Variants in GRK3 observed in about 807,000 individuals in gnomAD.
GRK3 encodes the protein G protein-coupled receptor kinase 3.
GRK3 carries 54 observed loss-of-function variants against 95.7 expected under a neutral mutation model. The observed-to-expected ratio is 0.56, with a 90% CI of 0.45 to 0.71. The LOEUF (loss-of-function observed/expected upper bound fraction) is 0.71. Ranked by LOEUF, GRK3 falls within the 30% of genes least tolerant of loss-of-function variation. GRK3 has a pLI of 0.00. For synonymous variants in GRK3, 281 were observed against 290.8 expected (o/e 0.97, Z 0.34); for missense variants, 649 against 851.2 (o/e 0.76, Z 2.96).
chr22:25,688,037 C>A (rs1487173565), intron 11 of GRK3, among the ~76,000 whole-genome samples: 3 of 152,080 alleles, frequency 2.0e-5, no homozygotes, highest in South Asian at 2.1e-4. Flanking sequence ...GAGATCAAGG[C>A]CATCCTGGCT....
chr22:25,608,293 C>G (rs1460866019), intron 2 of GRK3, among the ~76,000 whole-genome samples: 1 of 152,142 alleles, frequency 6.6e-6, no homozygotes, highest in Non-Finnish European at 1.5e-5. Context: ...TACAAGATTC[C>G]TTCTGCATTG....
rs762701145 is a variant in GRK3 at position 25,565,112 on chromosome 22, G to A, written c.72G>A (p.Pro24=). 6.5e-7 allele frequency: 1 copy of A among 1,548,420 alleles called. No individual in the cohort carries two copies. Among genetic ancestry groups the A allele is most frequent in the South Asian group, 1.2e-5 (1 of 84,030 alleles). ...CCATGGAGAAGAGCAAGGCGACCCC[G>A]GCCGCCCGCGCCAGCAAGAGGATCG... is the stretch of plus-strand genomic sequence containing the variant. ...LMAMEKSKAT[P]AARASKRIVL... Residue 24 remains proline (P), a synonymous_variant, in exon 1 of 21, where the codon CCG becomes CCA. Transcript: ENST00000324198.
intron 15 of GRK3, among the ~76,000 whole-genome samples, chr22:25,705,941 G>T (rs1050331548): frequency 5.3e-5 from 8 of 152,200 alleles, no homozygotes; most frequent in African/African-American, 1.9e-4. Flanking sequence ...CGCGATGGCA[G>T]ACAGGTAGCA....
rs113355685 is a variant in GRK3 at position 25,583,357 on chromosome 22, CT to C, written c.113+18221del. Among the ~76,000 whole-genome samples the C allele has an allele frequency of 3.3e-3, 449 of 135,510 alleles. 5 individuals are homozygous for C. In the South Asian group the frequency reaches 0.035, roughly 11 times the overall value. The allele number at this position is 135,510 out of a possible 152,430, so 88.9% of individuals were successfully genotyped here. ...TTGTGGCCTGGCGTTTTTCTGTGTA[CT>C]TTTTTTTTTTTTTTTTCTTAGTTAC... On this transcript the variant is annotated intron_variant, in intron 1 of 20. Coordinates refer to ENST00000324198, the MANE Select transcript of GRK3 (RefSeq NM_005160.4).
chr22:25,639,879 A>G lies in GRK3; in HGVS notation c.191-4713A>G, dbSNP rs2084730332. ...ATAGTTTTTAGCATACTGTTCTTGT[A>G]TGTCATTTATTTGTTTATTCCTATG... On this transcript the variant is annotated intron_variant, in intron 2 of 20. Transcript: ENST00000324198. Among the ~76,000 whole-genome samples, 5 of 152,080 alleles carry G rather than the reference A, an allele frequency of 3.3e-5. No homozygotes were observed. The South Asian group carries it at 1.0e-3, about 31-fold the overall frequency.
intron 3 of GRK3, chr22:25,648,987 C>T: frequency 9.4e-7 from 1 of 1,062,552 alleles, no homozygotes; most frequent in African/African-American, 1.6e-5. Context: ...TGGAATTCTA[C>T]AGACAGAACT....
intron 12 of GRK3, among the ~76,000 whole-genome samples, chr22:25,694,688 C>T (rs937813169): frequency 1.3e-5 from 2 of 152,138 alleles, no homozygotes; most frequent in African/African-American, 2.4e-5. Flanking sequence ...CAGGGGTGGA[C>T]GTCTCCATGC....
chr22:25,564,885 TGGGGCGCGCGGCGCGCGCGC>T lies in GRK3; in HGVS notation c.-149_-130del, dbSNP rs1269494104. 4 of 128,216 alleles carry T rather than the reference TGGGGCGCGCGGCGCGCGCGC, an allele frequency of 3.1e-5. No individual in the cohort carries two copies. The highest frequency in any genetic ancestry group is 6.7e-5 in the Non-Finnish European group (4 of 59,894). The allele number at this position is 128,216 out of a possible 1,614,324, so 7.9% of individuals were successfully genotyped here. On this transcript the variant is annotated 5_prime_UTR_variant, in exon 1 of 21. Coordinates refer to ENST00000324198, the MANE Select transcript of GRK3 (RefSeq NM_005160.4). ...GCCTGCGGCGCGCGCAGAGCGCTAG[TGGGGCGCGCGGCGCGCGCGC>T]GGGGCGGGGGCGCGCGGAGGGGGGG...
At chr22:25,643,686 C>T (rs773714098) in intron 2 of GRK3, among the ~76,000 whole-genome samples, 6 of 152,138 alleles carry the variant, frequency 3.9e-5, no homozygotes, top group East Asian at 1.9e-4. Context: ...TTTATCTAGG[C>T]GTCACCATTA....
At chr22:25,688,235 CAAAA>C (rs35383882) in intron 11 of GRK3, among the ~76,000 whole-genome samples, 2 of 63,466 alleles carry the variant, frequency 3.2e-5, no homozygotes, top group South Asian at 5.8e-4. Context: ...GACTCTGTCT[CAAAA>C]AAAAAAAAAA....
At chr22:25,571,431 A>T (rs1051949031) in intron 1 of GRK3, among the ~76,000 whole-genome samples, 7 of 152,206 alleles carry the variant, frequency 4.6e-5, no homozygotes, top group Admixed American at 4.6e-4. Flanking sequence ...TATGCAATAC[A>T]TTTGTAAATA....
chr22:25,722,611 T>C lies in GRK3; in HGVS notation c.*161T>C. 1 of 600,124 alleles carries C rather than the reference T, an allele frequency of 1.7e-6. No individual in the cohort carries two copies. Among genetic ancestry groups the C allele is most frequent in the South Asian group, 2.6e-5 (1 of 38,860 alleles). 37.2% of individuals were successfully genotyped at this position (600,124 alleles called of 1,614,324 possible). ...TTGGGGTCAGCTCAGCTCCCTGCCT[T>C]GTCACATTTGTCTGCATTAGAAACT... On this transcript the variant is annotated 3_prime_UTR_variant, in exon 21 of 21. Coordinates refer to ENST00000324198, the MANE Select transcript of GRK3 (RefSeq NM_005160.4).
intron 2 of GRK3, among the ~76,000 whole-genome samples, chr22:25,627,427 G>T (rs2084635861): frequency 1.3e-5 from 2 of 151,750 alleles, no homozygotes. Context: ...AACTTGCTCT[G>T]CCTAAATTGA....
At chr22:25,670,810 A>T (rs12159779) in intron 6 of GRK3, among the ~76,000 whole-genome samples, 12,539 of 145,720 alleles carry the variant, frequency 0.086, 596 homozygotes, top group Middle Eastern at 0.17. Context: ...TCCCAGCACT[A>T]TGGGAGGCCG....
At position 25,647,639 on chromosome 22, in the gene GRK3, G is replaced by A. The variant is rs1394331762; in HGVS notation, c.264+2974G>A. The A allele has an allele frequency of 2.7e-6, 4 of 1,461,302 alleles. No individual in the cohort carries two copies. The African/African-American group carries it at 5.6e-5, about 20-fold the overall frequency. 90.5% of individuals were successfully genotyped at this position (1,461,302 alleles called of 1,614,324 possible). A position where few individuals can be genotyped will look rare whatever the true frequency, so the allele number is the denominator to read the frequency against. On this transcript the variant is annotated intron_variant, in intron 3 of 20. Coordinates refer to ENST00000324198, the MANE Select transcript of GRK3 (RefSeq NM_005160.4). ...TTTCAAATAATTAACAATACAGAAG[G>A]AGACTGGTGGGAAGCAAGATCAATC...
chr22:25,704,057 A>C (rs1569203746), intron 14 of GRK3, 52 bp from the exon 15 acceptor site: 1 of 1,348,982 alleles, frequency 7.4e-7, no homozygotes, highest in Non-Finnish European at 1.1e-6. Context: ...GTTGAGTGTT[A>C]GGATGCTGTT....
chr22:25,660,468 G>A (rs2084902361), intron 3 of GRK3, among the ~76,000 whole-genome samples: 1 of 152,148 alleles, frequency 6.6e-6, no homozygotes, highest in Non-Finnish European at 1.5e-5. Context: ...GATCTTTCAG[G>A]ACAATTAAGA....
intron 12 of GRK3, among the ~76,000 whole-genome samples, chr22:25,693,382 T>TA (rs1298159687): frequency 6.6e-6 from 1 of 152,226 alleles, no homozygotes; most frequent in African/African-American, 2.4e-5. Flanking sequence ...ATCCTGTAGA[T>TA]ATCTATTGTA....
intron 2 of GRK3, among the ~76,000 whole-genome samples, 170 bp downstream of exon 2, chr22:25,604,623 T>G (rs2084431659): frequency 1.3e-5 from 2 of 152,378 alleles, no homozygotes; most frequent in Admixed American, 1.3e-4. Context: ...CTTACATTCC[T>G]AGTAACATAT....
Sources: allele counts gnomAD v4.1 joint callset (sites outside exome capture counted in the v4.1 genomes callset), GRCh38; gene constraint gnomAD v4.1.1; transcripts MANE v1.5; gene names NCBI Gene and HGNC (gene_info 2026-07-23, HGNC 2026-07-21).